Variants in PRH1 observed in about 807,000 individuals in gnomAD.
PRH1 encodes proline rich protein HaeIII subfamily 1.
Under a neutral mutation model 7.9 loss-of-function variants are expected in PRH1, and 7 were observed. The observed-to-expected ratio is 0.89, with a 90% confidence interval of 0.50 to 1.67. The LOEUF is 1.67. Ranked by LOEUF, PRH1 falls within the 40% of genes most tolerant of loss-of-function variation. PRH1 has a pLI of 0.00. For synonymous variants in PRH1, 45 were observed against 80.8 expected, an observed-to-expected ratio of 0.56 and a Z score of 2.38; for missense variants, 109 against 223.6, an observed-to-expected ratio of 0.49 and a Z score of 3.27.
chr12:11,114,572 G>A (rs977843938), intron 1 of PRH1, among the ~76,000 whole-genome samples: 3 of 152,108 alleles, frequency 2.0e-5, no homozygotes, highest in Admixed American at 6.5e-5. Context: ...GTTGATGGGT[G>A]CAGCAAACCA....
At chr12:10,948,866 AAGGG>A (rs1950527744) in intron 2 of PRH1, among the ~76,000 whole-genome samples, 1 of 152,094 alleles carries the variant, frequency 6.6e-6, no homozygotes, top group East Asian at 1.9e-4. Flanking sequence ...TCTGGCTTCA[AAGGG>A]GGTTATGTTA....
At chr12:11,062,043 A>G in intron 1 of PRH1, 1 of 1,613,676 alleles carries the variant, frequency 6.2e-7, no homozygotes, top group Non-Finnish European at 8.5e-7. Context: ...AGACATTGTA[A>G]GCAGTAATTC....
At chr12:10,951,993 T>C (rs1182363728) in intron 2 of PRH1, among the ~76,000 whole-genome samples, 1 of 152,212 alleles carries the variant, frequency 6.6e-6, no homozygotes, top group Non-Finnish European at 1.5e-5. Flanking sequence ...TCCGAGAATC[T>C]ATTTTACAAC....
chr12:11,123,215 A>G (rs79083865), intron 1 of PRH1, among the ~76,000 whole-genome samples: 22,125 of 132,422 alleles, frequency 0.17, no homozygotes, highest in East Asian at 0.42. Context: ...ATTTTACTGT[A>G]ATTATTTATC....
chr12:10,917,076 G>T (rs1057059687), intron 2 of PRH1, among the ~76,000 whole-genome samples: 13 of 151,750 alleles, frequency 8.6e-5, no homozygotes, highest in Non-Finnish European at 1.6e-4. Flanking sequence ...TCATATATAT[G>T]TATACATTTA....
chr12:10,942,056 A>AC (rs1180031589), intron 2 of PRH1, among the ~76,000 whole-genome samples: 1 of 152,084 alleles, frequency 6.6e-6, no homozygotes, highest in Non-Finnish European at 1.5e-5. Context: ...GTCTGCACAG[A>AC]GTCCTGTGAT....
chr12:11,022,730 C>T, intron 1 of PRH1: 1 of 600,138 alleles, frequency 1.7e-6, no homozygotes. Flanking sequence ...CCAGCATATG[C>T]TAATAGATGA....
chr12:11,150,304 G>A (rs1212198070), intron 1 of PRH1, among the ~76,000 whole-genome samples: 1 of 151,948 alleles, frequency 6.6e-6, no homozygotes. Context: ...ATTTGACCCA[G>A]CCATCCCATT....
intron 1 of PRH1, among the ~76,000 whole-genome samples, chr12:11,130,112 C>T (rs1272855321): frequency 3.3e-5 from 5 of 152,204 alleles, no homozygotes; most frequent in Non-Finnish European, 5.9e-5. Context: ...GATCCTGCCA[C>T]TGCATTCCAG....
chr12:11,036,968 C>T (rs564628119), intron 1 of PRH1, among the ~76,000 whole-genome samples: 14 of 152,328 alleles, frequency 9.2e-5, no homozygotes, highest in African/African-American at 2.9e-4. Context: ...CCTCATGATT[C>T]TTCTATGATT....
intron 1 of PRH1, among the ~76,000 whole-genome samples, chr12:11,086,596 T>C (rs2136245446): frequency 6.6e-6 from 1 of 151,696 alleles, no homozygotes; most frequent in Admixed American, 6.6e-5. Context: ...AACTACTGCC[T>C]GCCTCAGTAT....
chr12:10,903,849 C>CA (rs1472396288), intron 2 of PRH1, among the ~76,000 whole-genome samples: 1 of 136,674 alleles, frequency 7.3e-6, no homozygotes, highest in South Asian at 2.3e-4. Context: ...AATCAATTCA[C>CA]AAAAATCAGT....
chr12:11,133,031 AG>A, intron 1 of PRH1: 1 of 404,042 alleles, frequency 2.5e-6, no homozygotes, highest in South Asian at 9.5e-5. Context: ...TTCATAATTG[AG>A]GAATTTTTGT....
At chr12:11,148,239 A>T (rs969020824) in intron 1 of PRH1, among the ~76,000 whole-genome samples, 2 of 150,556 alleles carry the variant, frequency 1.3e-5, no homozygotes, top group African/African-American at 4.9e-5. Context: ...GCAAACAGGG[A>T]CAATTTGACT....
intron 2 of PRH1, among the ~76,000 whole-genome samples, chr12:10,949,257 G>A (rs1591716276): frequency 6.6e-6 from 1 of 152,320 alleles, no homozygotes; most frequent in South Asian, 2.1e-4. Context: ...AAGATGGAGG[G>A]TTTGTGCATT....
At chr12:11,107,695 A>G (rs779082386) in intron 1 of PRH1, among the ~76,000 whole-genome samples, 3 of 152,246 alleles carry the variant, frequency 2.0e-5, no homozygotes, top group Non-Finnish European at 4.4e-5. Flanking sequence ...ATTAGGGTAG[A>G]CAAAAAGAAC....
At chr12:11,112,512 T>C (rs371549152) in intron 1 of PRH1, among the ~76,000 whole-genome samples, 4 of 152,222 alleles carry the variant, frequency 2.6e-5, no homozygotes, top group African/African-American at 9.6e-5. Context: ...TGCAAATCAA[T>C]AAACATAATC....
chr12:11,008,237 A>C (rs555668385), intron 1 of PRH1, among the ~76,000 whole-genome samples: 1 of 152,222 alleles, frequency 6.6e-6, no homozygotes, highest in South Asian at 2.1e-4. Context: ...AAGAATGCAT[A>C]TAAGTAGTTT....
At chr12:11,043,374 G>T (rs1032188044) in intron 1 of PRH1, among the ~76,000 whole-genome samples, 3 of 152,114 alleles carry the variant, frequency 2.0e-5, no homozygotes, top group Non-Finnish European at 2.9e-5. Context: ...TTTCCTCTAA[G>T]ATCTGGAACA....
Sources: allele counts gnomAD v4.1 joint callset (sites outside exome capture counted in the v4.1 genomes callset), GRCh38; gene constraint gnomAD v4.1.1; transcripts MANE v1.5; gene names NCBI Gene and HGNC (gene_info 2026-07-23, HGNC 2026-07-21).